Variants in ADD1 observed in about 807,000 individuals in gnomAD.
The protein encoded by ADD1 is alpha-adducin.
ADD1 carries 24 observed loss-of-function variants against 80.5 expected under a neutral mutation model. The ratio of observed to expected loss-of-function variants is 0.30; its 90% CI spans 0.22 to 0.42. The LOEUF is 0.42. Among genes scored for constraint, ADD1 ranks in the 10% least tolerant of loss-of-function variants. ADD1 has a pLI of 1.00. For missense variants in ADD1, 948 were observed against 1,019.0 expected, an observed-to-expected ratio of 0.93 and a Z score of 0.95; for synonymous variants, 373 against 393.8, an observed-to-expected ratio of 0.95 and a Z score of 0.63.
At chr4:2,885,723 C>T (rs1166144482) in intron 4 of ADD1, among the ~76,000 whole-genome samples, 1 of 152,080 alleles carries the variant, frequency 6.6e-6, no homozygotes, top group Non-Finnish European at 1.5e-5. Flanking sequence ...CATTCTCCTG[C>T]CTCAGCCTCC....
At chr4:2,866,825 CT>C (rs1261351807) in intron 1 of ADD1, among the ~76,000 whole-genome samples, 4 of 152,184 alleles carry the variant, frequency 2.6e-5, no homozygotes, top group African/African-American at 9.7e-5. Context: ...AATCCCAATA[CT>C]TTGGGAAGCC....
At chr4:2,888,388 T>C (rs1378080903) in intron 4 of ADD1, among the ~76,000 whole-genome samples, 2 of 142,576 alleles carry the variant, frequency 1.4e-5, no homozygotes, top group Non-Finnish European at 3.0e-5. Context: ...CCAGCATTAT[T>C]TGTAATAATG....
chr4:2,899,858 A>C, intron 9 of ADD1: 6 of 307,856 alleles, frequency 1.9e-5, no homozygotes, highest in South Asian at 5.5e-5. Context: ...ATGGGTATCC[A>C]CTCCCTGTCC....
intron 4 of ADD1, among the ~76,000 whole-genome samples, chr4:2,888,740 C>A (rs1232137493): frequency 6.6e-6 from 1 of 151,888 alleles, no homozygotes; most frequent in African/African-American, 2.4e-5. Context: ...TTTTAAGAGT[C>A]CTTAAGTATT....
At chr4:2,889,698 T>G (rs1416719478) in intron 4 of ADD1, among the ~76,000 whole-genome samples, 2 of 152,062 alleles carry the variant, frequency 1.3e-5, no homozygotes, top group Admixed American at 1.3e-4. Flanking sequence ...GTGGTGTGCC[T>G]GTAGTCCCAG....
At chr4:2,904,065 A>G (rs1017044579) in intron 9 of ADD1, among the ~76,000 whole-genome samples, 2 of 152,226 alleles carry the variant, frequency 1.3e-5, no homozygotes, top group African/African-American at 2.4e-5. Context: ...GTAAAAGTCT[A>G]TTAAGTATGT....
chr4:2,908,794 C>G (rs779205525), intron 12 of ADD1, 190 bp downstream of exon 12: 1 of 603,348 alleles, frequency 1.7e-6, no homozygotes, highest in Admixed American at 2.9e-5. Flanking sequence ...AGCGAGCATG[C>G]TGAGGGCTGT....
At chr4:2,873,241 C>T (rs1730735884) in intron 1 of ADD1, among the ~76,000 whole-genome samples, 2 of 152,166 alleles carry the variant, frequency 1.3e-5, no homozygotes, top group South Asian at 4.1e-4. Context: ...ATCCACTTGC[C>T]TCGGCCTCCC....
Position 2,894,479 on chromosome 4 carries a change from C to T in ADD1, c.592-103C>T, listed in dbSNP as rs1266507327. On this transcript the variant is annotated intron_variant, in intron 5 of 15. Transcript: ENST00000683351. ...GAGGCCGAGGTCGCACCACTGCACT[C>T]CAGCCTGGGCGACAGAGCCAGACCC... The T allele has an allele frequency of 5.3e-6, 6 of 1,134,108 alleles. No homozygotes were observed. In the African/African-American group the frequency reaches 6.6e-5, roughly 12 times the overall value. The allele number at this position is 1,134,108 out of a possible 1,614,324, so 70.3% of individuals were successfully genotyped here. A position where few individuals can be genotyped will look rare whatever the true frequency, so the allele number is the denominator to read the frequency against.
rs763037881 is a variant in ADD1, at chr4:2,929,639, C to T, written c.*1116C>T. The T allele has an allele frequency of 1.3e-5, 2 of 152,260 alleles. No homozygotes were observed. Among genetic ancestry groups the T allele is most frequent in the African/African-American group, 2.4e-5 (1 of 41,450 alleles). The allele number at this position is 152,260 out of a possible 1,614,324, so 9.4% of individuals were successfully genotyped here. ...CTAGGTACAGGCAAGCTTGTGTGGG[C>T]CCAACAGGCCCTTGGTAGAGCTGGT... On this transcript the variant is annotated 3_prime_UTR_variant, in exon 16 of 16. Transcript: ENST00000683351.
At chr4:2,872,936 GT>G (rs1379548023) in intron 1 of ADD1, among the ~76,000 whole-genome samples, 1 of 151,786 alleles carries the variant, frequency 6.6e-6, no homozygotes. Flanking sequence ...TGTTCCAGAA[GT>G]TAGTTTTTTG....
intron 3 of ADD1, 79 bp from the exon 4 acceptor site, chr4:2,884,436 C>A: frequency 1.7e-6 from 2 of 1,180,504 alleles, no homozygotes; most frequent in Non-Finnish European, 2.3e-6. Flanking sequence ...AGTGATCCTC[C>A]TGCCTTAGCC....
At chr4:2,916,382 G>T (rs1739074422) in intron 14 of ADD1, among the ~76,000 whole-genome samples, 1 of 151,776 alleles carries the variant, frequency 6.6e-6, no homozygotes, top group South Asian at 2.1e-4. Flanking sequence ...TTTTAGTAGA[G>T]ATGGGGTTTC....
chr4:2,926,459 T>A lies in ADD1; in HGVS notation c.2047+347T>A, dbSNP rs1266467759. On this transcript the variant is annotated intron_variant, in intron 15 of 15. Transcript: ENST00000683351. This position sits in a 1 kb window ranked among gnomAD's most constrained non-coding sequence, Gnocchi z 5.0. ...TCCGCTGTGTGAGCCACACGCCGGC[T>A]GCCTCTCAGCCACCGTGTGTCTGTG... 15 of 709,434 alleles carry A rather than the reference T, an allele frequency of 2.1e-5. No homozygotes were observed. In the East Asian group the frequency reaches 2.2e-4, roughly 10 times the overall value. The allele number at this position is 709,434 out of a possible 1,614,324, so 43.9% of individuals were successfully genotyped here.
chr4:2,923,938 C>T (rs1208369927), intron 14 of ADD1, among the ~76,000 whole-genome samples: 2 of 152,268 alleles, frequency 1.3e-5, no homozygotes, highest in East Asian at 3.8e-4. Flanking sequence ...GGCCTCTGTG[C>T]AGGGGGACGC....
intron 1 of ADD1, among the ~76,000 whole-genome samples, chr4:2,871,660 G>C (rs962523402): frequency 1.3e-5 from 2 of 152,166 alleles, no homozygotes; most frequent in African/African-American, 4.8e-5. Flanking sequence ...GATGAGTCCT[G>C]CTCTAACCTT....
chr4:2,881,815 G>A (rs942442859), intron 2 of ADD1, 83 bp from the exon 3 acceptor site: 15 of 1,240,176 alleles, frequency 1.2e-5, no homozygotes, highest in East Asian at 2.7e-5. Context: ...AACAAAAATT[G>A]GTCTATGTGA....
At chr4:2,859,049 C>T (rs575975536) in intron 1 of ADD1, among the ~76,000 whole-genome samples, 8 of 152,178 alleles carry the variant, frequency 5.3e-5, no homozygotes, top group Admixed American at 3.3e-4. Context: ...TTGGGCCCTG[C>T]GCCTCTATGT....
chr4:2,873,244 G>A (rs1440392897), intron 1 of ADD1, among the ~76,000 whole-genome samples: 1 of 151,974 alleles, frequency 6.6e-6, no homozygotes, highest in Non-Finnish European at 1.5e-5. Flanking sequence ...CACTTGCCTC[G>A]GCCTCCCAAA....
Sources: allele counts gnomAD v4.1 joint callset (sites outside exome capture counted in the v4.1 genomes callset), GRCh38; gene constraint gnomAD v4.1.1; non-coding constraint Gnocchi (gnomAD v3.1); transcripts MANE v1.5; gene names NCBI Gene and HGNC (gene_info 2026-07-23, HGNC 2026-07-21).